Variants in RBM47 observed in about 807,000 individuals in gnomAD.
RBM47 encodes RNA binding motif protein 47.
A neutral mutation model predicts 47.1 loss-of-function variants in RBM47; 21 were observed. The observed-to-expected ratio is 0.45, with a 90% confidence interval of 0.32 to 0.64. The LOEUF (loss-of-function observed/expected upper bound fraction) is 0.64, where lower values mean the gene tolerates loss of function less well. Among genes scored for constraint, RBM47 ranks in the 30% least tolerant of loss-of-function variants. The probability of loss-of-function intolerance (pLI) is 0.05; values close to 1 mark genes in which losing one functional copy is unlikely to be tolerated. For synonymous variants in RBM47, 375 were observed against 361.7 expected (o/e 1.04, Z -0.42); for missense variants, 708 against 870.9 (o/e 0.81, Z 2.35).
intron 5 of RBM47, among the ~76,000 whole-genome samples, chr4:40,433,942 G>A (rs1711788172): frequency 7.1e-6 from 1 of 139,996 alleles, no homozygotes; most frequent in Non-Finnish European, 1.5e-5. Flanking sequence ...GGTACAGTAA[G>A]AAGAGATCAA....
At chr4:40,525,472 G>A (rs1726611058) in intron 2 of RBM47, among the ~76,000 whole-genome samples, 1 of 152,078 alleles carries the variant, frequency 6.6e-6, no homozygotes, top group African/African-American at 2.4e-5. Flanking sequence ...ATATTGGCCA[G>A]ATTTCTTTAA....
In RBM47 at chr4:40,432,696, GGCGGCTGCGGCC is replaced by G. The variant is rs528269773; in HGVS notation, c.1485_1496del (p.Ala499_Ala502del). 5,038 of 1,599,412 alleles carry G rather than the reference GGCGGCTGCGGCC, an allele frequency of 3.1e-3. 10 individuals carry two copies. Among genetic ancestry groups the G allele is most frequent in the Non-Finnish European group, 3.6e-3 (4,266 of 1,172,996 alleles). ...ACACAGTGGGAATGACAGCGGCTGCGGCGGCTGCGGCCGCGGCTGCGGCGGCAGCAGCACTGG... is the reference window on the plus strand; with the variant it reads ...ACACAGTGGGAATGACAGCGGCTGCGGCGGCTGCGGCGGCAGCAGCACTGG... On this transcript the variant is annotated inframe_deletion, in exon 6 of 7. Coordinates refer to ENST00000295971, the MANE Select transcript of RBM47 (RefSeq NM_001098634.2).
chr4:40,431,521 G>A (rs62302022), intron 6 of RBM47, among the ~76,000 whole-genome samples: 6,477 of 152,202 alleles, frequency 0.043, 188 homozygotes, highest in Middle Eastern at 0.12. Flanking sequence ...AGCCGGGCAT[G>A]GTGGCGTGCG....
At chr4:40,501,718 T>C (rs1723392331) in intron 2 of RBM47, among the ~76,000 whole-genome samples, 1 of 152,206 alleles carries the variant, frequency 6.6e-6, no homozygotes, top group South Asian at 2.1e-4. Flanking sequence ...TCAGTAAGTC[T>C]TAGAAATGCT....
chr4:40,576,073 G>A (rs543690719), intron 1 of RBM47, among the ~76,000 whole-genome samples: 1 of 152,304 alleles, frequency 6.6e-6, no homozygotes, highest in African/African-American at 2.4e-5. Context: ...TTCCTTCCCT[G>A]CAGGCTCACA....
intron 2 of RBM47, among the ~76,000 whole-genome samples, chr4:40,532,309 ATTTTTTT>A (rs34850081): frequency 6.1e-5 from 4 of 65,780 alleles, no homozygotes; most frequent in African/African-American, 2.5e-4. Flanking sequence ...CACGCCCGGC[ATTTTTTT>A]TTTTTTTTTT....
intron 2 of RBM47, among the ~76,000 whole-genome samples, chr4:40,530,526 C>T (rs1430346979): frequency 6.6e-6 from 1 of 152,010 alleles, no homozygotes; most frequent in African/African-American, 2.4e-5. Flanking sequence ...TGGTCTTGAA[C>T]TCCTGACCTG....
intron 1 of RBM47, among the ~76,000 whole-genome samples, chr4:40,582,689 T>A (rs1457778609): frequency 6.6e-6 from 1 of 152,216 alleles, no homozygotes; most frequent in Non-Finnish European, 1.5e-5. Flanking sequence ...TTGTCACGTT[T>A]CCTGAACACA....
At chr4:40,554,448 C>T (rs1286073270) in intron 1 of RBM47, among the ~76,000 whole-genome samples, 1 of 150,198 alleles carries the variant, frequency 6.7e-6, no homozygotes, top group South Asian at 2.1e-4. Flanking sequence ...GGGCTGGCCA[C>T]GGTGTCACAA....
intron 2 of RBM47, among the ~76,000 whole-genome samples, chr4:40,482,772 AGCTT>A (rs1720596310): frequency 6.6e-6 from 1 of 152,236 alleles, no homozygotes; most frequent in South Asian, 2.1e-4. Context: ...ATTTTTCAGG[AGCTT>A]GATAAGCTAG....
intron 1 of RBM47, among the ~76,000 whole-genome samples, chr4:40,586,755 G>A (rs1174757354): frequency 2.0e-5 from 3 of 151,648 alleles, no homozygotes; most frequent in South Asian, 2.1e-4. Context: ...AGACCCCACC[G>A]GTGACCTCTC....
At chr4:40,544,790 G>C (rs571961181) in intron 1 of RBM47, among the ~76,000 whole-genome samples, 1 of 152,142 alleles carries the variant, frequency 6.6e-6, no homozygotes, top group Non-Finnish European at 1.5e-5. Flanking sequence ...ATGACAAAGA[G>C]AGAAAGGAGA....
intron 1 of RBM47, among the ~76,000 whole-genome samples, chr4:40,578,841 G>A (rs1732581733): frequency 6.6e-6 from 1 of 152,216 alleles, no homozygotes; most frequent in Non-Finnish European, 1.5e-5. Flanking sequence ...TAGCAAGCTG[G>A]GCACGATGGC....
At chr4:40,457,868 C>G (rs1716535914) in intron 3 of RBM47, among the ~76,000 whole-genome samples, 1 of 152,174 alleles carries the variant, frequency 6.6e-6, no homozygotes, top group African/African-American at 2.4e-5. Context: ...TGTCCTAGCA[C>G]TTTGGGAAGC....
chr4:40,476,234 A>G (rs1407692268), intron 2 of RBM47, among the ~76,000 whole-genome samples: 1 of 152,156 alleles, frequency 6.6e-6, no homozygotes, highest in Non-Finnish European at 1.5e-5. Flanking sequence ...TGGCATATAG[A>G]AAGTACTCAA....
chr4:40,461,393 T>C (rs1388474933), intron 3 of RBM47, among the ~76,000 whole-genome samples: 2 of 152,212 alleles, frequency 1.3e-5, no homozygotes, highest in Non-Finnish European at 2.9e-5. Context: ...AAGGGAAATA[T>C]AGTATACCAG....
chr4:40,461,125 A>T (rs1717080711), intron 3 of RBM47, among the ~76,000 whole-genome samples: 1 of 152,184 alleles, frequency 6.6e-6, no homozygotes, highest in Non-Finnish European at 1.5e-5. Context: ...GAGTATTTAA[A>T]ATGAAAAATT....
chr4:40,603,646 A>G (rs1249311627), intron 1 of RBM47, among the ~76,000 whole-genome samples: 2 of 148,722 alleles, frequency 1.3e-5, no homozygotes, highest in African/African-American at 5.0e-5. Flanking sequence ...CCTGTCACCC[A>G]GGCTTGAGTG....
chr4:40,431,228 TC>T (rs749603500), intron 6 of RBM47, among the ~76,000 whole-genome samples: 1 of 152,222 alleles, frequency 6.6e-6, no homozygotes. Flanking sequence ...ATGGATGTCC[TC>T]CCTATGTCCT....
Sources: gnomAD v4.1 joint callset for allele counts (sites outside exome capture counted in the v4.1 genomes callset) on GRCh38, gnomAD v4.1.1 for gene constraint, MANE v1.5 for transcripts, NCBI Gene and HGNC (gene_info 2026-07-23, HGNC 2026-07-21) for gene names.